The following GMDS variants were observed in gnomAD, a reference collection of about 807,000 sequenced individuals.
The protein encoded by GMDS is GDP-mannose 4,6-dehydratase.
Under a neutral mutation model 49.9 loss-of-function variants are expected in GMDS, and 20 were observed. That is an observed-to-expected ratio of 0.40 (90% CI 0.28 to 0.58). The LOEUF (loss-of-function observed/expected upper bound fraction) is 0.58. Ranked by LOEUF, GMDS falls within the 20% of genes least tolerant of loss-of-function variation. The probability of loss-of-function intolerance (pLI) is 0.42; values close to 1 mark genes in which losing one functional copy is unlikely to be tolerated. For synonymous variants in GMDS, 177 were observed against 178.6 expected, an observed-to-expected ratio of 0.99 and a Z score of 0.07; for missense variants, 362 against 481.4, an observed-to-expected ratio of 0.75 and a Z score of 2.32.
intron 1 of GMDS, among the ~76,000 whole-genome samples, chr6:2,202,450 T>A (rs1013332568): frequency 1.3e-5 from 2 of 150,330 alleles, no homozygotes; most frequent in Non-Finnish European, 3.0e-5. Context: ...TTTTTTTTTT[T>A]ACAGATACAA....
At chr6:1,905,323 G>T (rs921915196) in intron 7 of GMDS, among the ~76,000 whole-genome samples, 4 of 150,948 alleles carry the variant, frequency 2.6e-5, no homozygotes, top group African/African-American at 7.3e-5. Flanking sequence ...GGGTGCTGGC[G>T]TGTAGGTGGG....
chr6:1,716,148 A>C (rs2113408272), intron 9 of GMDS, among the ~76,000 whole-genome samples: 1 of 152,342 alleles, frequency 6.6e-6, no homozygotes, highest in East Asian at 1.9e-4. Context: ...AAGAATATGT[A>C]AAAAAAGATT....
chr6:1,731,555 A>C (rs1297049675), intron 8 of GMDS, among the ~76,000 whole-genome samples: 1 of 152,238 alleles, frequency 6.6e-6, no homozygotes, highest in Non-Finnish European at 1.5e-5. Flanking sequence ...TAACACCTTC[A>C]AAGTTCTGAA....
intron 9 of GMDS, among the ~76,000 whole-genome samples, chr6:1,693,125 G>A (rs1482280987): frequency 2.6e-5 from 4 of 152,196 alleles, no homozygotes; most frequent in South Asian, 4.1e-4. Flanking sequence ...AGACCCTTCC[G>A]AACACCCTAC....
At chr6:2,232,774 G>A (rs1226731024) in intron 1 of GMDS, among the ~76,000 whole-genome samples, 3 of 152,168 alleles carry the variant, frequency 2.0e-5, no homozygotes, top group African/African-American at 7.2e-5. Context: ...CGCCGGTGCA[G>A]GACTGGATGC....
intron 4 of GMDS, among the ~76,000 whole-genome samples, chr6:2,101,701 C>T (rs190833911): frequency 7.2e-5 from 11 of 152,094 alleles, no homozygotes; most frequent in East Asian, 3.9e-4. Context: ...TTAAATTTAG[C>T]GCCAAAATTG....
At chr6:2,063,622 A>G (rs549653756) in intron 4 of GMDS, among the ~76,000 whole-genome samples, 7 of 152,390 alleles carry the variant, frequency 4.6e-5, no homozygotes, top group African/African-American at 1.7e-4. Flanking sequence ...TTATGAGGCT[A>G]GCTCTCACAG....
At chr6:1,835,719 T>G (rs750899067) in intron 7 of GMDS, among the ~76,000 whole-genome samples, 27 of 152,234 alleles carry the variant, frequency 1.8e-4, no homozygotes, top group Middle Eastern at 6.8e-3. Context: ...CTGCACATAA[T>G]AAGTGCATTT....
At chr6:2,095,024 T>C (rs1773513786) in intron 4 of GMDS, among the ~76,000 whole-genome samples, 1 of 152,186 alleles carries the variant, frequency 6.6e-6, no homozygotes, top group South Asian at 2.1e-4. Context: ...CTCTAGAAAC[T>C]GTGGAGCAGA....
chr6:2,068,703 T>A (rs894695677), intron 4 of GMDS, among the ~76,000 whole-genome samples: 39 of 152,178 alleles, frequency 2.6e-4, no homozygotes, highest in African/African-American at 9.4e-4. Flanking sequence ...GGAATCCAAC[T>A]TACAAGGGAT....
At chr6:1,835,502 G>C (rs1756883728) in intron 7 of GMDS, among the ~76,000 whole-genome samples, 2 of 152,124 alleles carry the variant, frequency 1.3e-5, no homozygotes, top group Non-Finnish European at 2.9e-5. Flanking sequence ...TACATAGAAG[G>C]AGATATGTCA....
chr6:1,896,424 C>T (rs1211116936), intron 7 of GMDS, among the ~76,000 whole-genome samples: 9 of 152,288 alleles, frequency 5.9e-5, no homozygotes, highest in Admixed American at 2.0e-4. Context: ...AAAGTCCTCA[C>T]ACGAAGGACC....
In GMDS at chr6:1,691,060, A is replaced by C. The variant is rs187812130; in HGVS notation, c.987+35356T>G. ...TTCTATTATAAAAATATATGCACAC[A>C]TATGTTCATTGCAGTGCTAGTCACA... On this transcript the variant is annotated intron_variant, in intron 9 of 10. Transcript: ENST00000380815. 3.6e-4 allele frequency among the ~76,000 whole-genome samples: 55 copies of C among 152,354 alleles called. No individual in the cohort carries two copies. The East Asian group carries it at 9.3e-3, about 26-fold the overall frequency.
At chr6:1,816,120 C>G (rs1770658938) in intron 7 of GMDS, among the ~76,000 whole-genome samples, 1 of 152,122 alleles carries the variant, frequency 6.6e-6, no homozygotes, top group South Asian at 2.1e-4. Context: ...TTGATCTGAC[C>G]CTGAAGGTGG....
intron 7 of GMDS, among the ~76,000 whole-genome samples, chr6:1,807,573 T>G (rs543521721): frequency 1.2e-4 from 18 of 152,318 alleles, no homozygotes; most frequent in African/African-American, 3.8e-4. Context: ...TCATTAGAAT[T>G]CATTAGGATA....
intron 4 of GMDS, among the ~76,000 whole-genome samples, chr6:2,055,262 A>AG (rs1004451909): frequency 1.3e-5 from 2 of 151,546 alleles, no homozygotes; most frequent in African/African-American, 4.8e-5. Flanking sequence ...AAGAAAAAAA[A>AG]AGAGAGAGAG....
At chr6:1,919,524 T>G (rs935287073) in intron 7 of GMDS, among the ~76,000 whole-genome samples, 1 of 152,224 alleles carries the variant, frequency 6.6e-6, no homozygotes, top group Non-Finnish European at 1.5e-5. Context: ...CTGGCCCTAG[T>G]AGAAGTCCAA....
intron 4 of GMDS, among the ~76,000 whole-genome samples, chr6:2,061,818 C>G (rs547858703): frequency 6.6e-6 from 1 of 151,754 alleles, no homozygotes; most frequent in Non-Finnish European, 1.5e-5. Flanking sequence ...TTATTACAGC[C>G]CCAAATAAAA....
At chr6:1,898,493 T>C (rs1760334705) in intron 7 of GMDS, among the ~76,000 whole-genome samples, 1 of 152,118 alleles carries the variant, frequency 6.6e-6, no homozygotes, top group Non-Finnish European at 1.5e-5. Context: ...TTTTCTATAA[T>C]ATGGGCAAAA....
Sources: gnomAD v4.1 joint callset for allele counts (sites outside exome capture counted in the v4.1 genomes callset) on GRCh38, gnomAD v4.1.1 for gene constraint, MANE v1.5 for transcripts, NCBI Gene and HGNC (gene_info 2026-07-23, HGNC 2026-07-21) for gene names.